The following IDI1 variants were observed in gnomAD, a reference collection of about 807,000 sequenced individuals.
IDI1 encodes the protein isopentenyl-diphosphate delta isomerase 1, also known as isopentenyl-diphosphate Delta-isomerase 1.
IDI1 carries 23 observed loss-of-function variants against 32.9 expected under a neutral mutation model. The ratio of observed to expected loss-of-function variants is 0.70; its 90% CI spans 0.50 to 0.99. The LOEUF (loss-of-function observed/expected upper bound fraction) is 0.99, where lower values mean the gene tolerates loss of function less well. IDI1 is among the 50% of genes least tolerant of loss of function. The probability of loss-of-function intolerance (pLI) is 0.00; values close to 1 mark genes in which losing one functional copy is unlikely to be tolerated. For missense variants in IDI1, 326 were observed against 351.9 expected (o/e 0.93, Z 0.59); for synonymous variants, 133 against 128.2 (o/e 1.04, Z -0.25).
At chr10:1,043,154 C>A (rs530919526) in intron 3 of IDI1, 147 bp downstream of exon 3, 2 of 607,570 alleles carry the variant, frequency 3.3e-6, no homozygotes, top group South Asian at 4.1e-5. Flanking sequence ...TATTAGGTTG[C>A]ACTCATTGTG....
At chr10:1,044,198 AG>A (rs772578744) in intron 1 of IDI1, 27 bp from the exon 2 acceptor site, 29 of 1,557,756 alleles carry the variant, frequency 1.9e-5, no homozygotes, top group Non-Finnish European at 2.5e-5. Context: ...AGAGAAAGAA[AG>A]GCCATCATAT....
upstream of IDI1, among the ~76,000 whole-genome samples, chr10:1,051,217 T>G (rs1206801196): frequency 6.6e-6 from 1 of 152,226 alleles, no homozygotes; most frequent in Non-Finnish European, 1.5e-5. Context: ...AATCACATTG[T>G]TAATATCACT....
At chr10:1,052,576 A>G (rs1331519584), upstream of IDI1, among the ~76,000 whole-genome samples, 1 of 152,236 alleles carries the variant, frequency 6.6e-6, no homozygotes, top group Non-Finnish European at 1.5e-5. Context: ...ATCAGCAGTA[A>G]TATTTTGAAA....
Position 1,041,513 on chromosome 10 carries a change from T to TA in IDI1, c.538-10_538-9insT. ...ATTTCTTCTGGAGGAACCTAAGACA[T>TA]TAAAAAAAAAAAAGTAATTAAAACA... On this transcript the variant is annotated splice_polypyrimidine_tract_variant and intron_variant, in intron 4 of 4. Transcript: ENST00000381344. 7.0e-7 allele frequency: 1 copy of TA among 1,428,466 alleles called. No homozygotes were observed. Among genetic ancestry groups the TA allele is most frequent in the Non-Finnish European group, 9.4e-7 (1 of 1,068,598 alleles). 88.5% of individuals were successfully genotyped at this position (1,428,466 alleles called of 1,614,324 possible).
chr10:1,042,535 A>G, intron 4 of IDI1, 97 bp downstream of exon 4: 1 of 1,188,450 alleles, frequency 8.4e-7, no homozygotes. Flanking sequence ...GAGGTTACCA[A>G]GCAGAGAACT....
intron 1 of IDI1, chr10:1,048,388 C>T (rs1832866301): frequency 7.7e-7 from 1 of 1,304,636 alleles, no homozygotes; most frequent in African/African-American, 1.5e-5. Flanking sequence ...GTTGCTGTCA[C>T]CCTCTTGCAC....
chr10:1,044,059 C>A lies in IDI1; in HGVS notation c.253G>T (p.Asp85Tyr), dbSNP rs777622677. Residue 85 changes from aspartate (D) to tyrosine (Y), a missense_variant, in exon 2 of 5, where the codon GAC (aspartate) becomes TAC (tyrosine). Asp to Tyr is a radical substitution (Grantham distance 160). Coordinates refer to ENST00000381344, the MANE Select transcript of IDI1 (RefSeq NM_004508.4). ...TTGGTCTCAGCTCCAATTTTATTGT[C>A]ATTTTCATCAATAAGGATACACATC... ...AEMCILIDEN[D>Y]NKIGAETKKN... 3.1e-6 allele frequency: 5 copies of A among 1,613,298 alleles called. No homozygotes were observed. The highest frequency in any genetic ancestry group is 2.5e-6 in the Non-Finnish European group (3 of 1,179,586).
At position 1,040,539 on chromosome 10, in the gene IDI1, A is replaced by C. The variant is rs545964493; in HGVS notation, c.*648T>G. 6.6e-6 allele frequency: 1 copy of C among 152,424 alleles called. No homozygotes were observed. The highest frequency in any genetic ancestry group is 1.5e-5 in the Non-Finnish European group (1 of 68,078). The allele number at this position is 152,424 out of a possible 1,614,324, so 9.4% of individuals were successfully genotyped here. A position where few individuals can be genotyped will look rare whatever the true frequency, so the allele number is the denominator to read the frequency against. ...TAACTGGTAAATACTATTTACAAGA[A>C]GATTCAACCTAATCAATATCACTTA... On this transcript the variant is annotated 3_prime_UTR_variant, in exon 5 of 5. Coordinates refer to ENST00000381344, the MANE Select transcript of IDI1 (RefSeq NM_004508.4).
At chr10:1,039,174 A>G (rs1305566767), downstream of IDI1, 1 of 138,394 alleles carries the variant, frequency 7.2e-6, no homozygotes, top group African/African-American at 2.7e-5. Flanking sequence ...ACAGGGACGC[A>G]CTGCGGGTAC....
the IDI1 span, among the ~76,000 whole-genome samples, chr10:1,055,715 CTTT>C: frequency 1.5e-5 from 2 of 132,058 alleles, no homozygotes; most frequent in African/African-American, 2.6e-5. Context: ...AACTTCACTT[CTTT>C]TTTTTTTTTG....
chr10:1,041,577 T>C (rs1218470742), intron 4 of IDI1, 73 bp from the exon 5 acceptor site: 2 of 770,726 alleles, frequency 2.6e-6, no homozygotes, highest in Non-Finnish European at 4.1e-6. Flanking sequence ...ATTAGCTCAC[T>C]GTATTACAGC....
At chr10:1,056,458 GC>G in the IDI1 span, 1 of 152,154 alleles carries the variant, frequency 6.6e-6, no homozygotes, top group Admixed American at 6.5e-5. Flanking sequence ...GGCCCTGAGC[GC>G]AGGCGGCCCC....
upstream of IDI1, among the ~76,000 whole-genome samples, chr10:1,050,326 TAAG>T (rs1484284364): frequency 6.6e-6 from 1 of 152,226 alleles, no homozygotes; most frequent in African/African-American, 2.4e-5. Context: ...TTCACACAGA[TAAG>T]AAAATCTGGC....
At chr10:1,041,964 A>AGTCC (rs1832609636) in intron 4 of IDI1, among the ~76,000 whole-genome samples, 1 of 151,860 alleles carries the variant, frequency 6.6e-6, no homozygotes, top group Non-Finnish European at 1.5e-5. Context: ...CCGCCCCACC[A>AGTCC]TGCCCAGCTA....
Position 1,044,026 on chromosome 10 carries a change from A to C in IDI1, c.286T>G (p.Cys96Gly). 1 of 1,612,656 alleles carries C rather than the reference A, an allele frequency of 6.2e-7. No homozygotes were observed. Among genetic ancestry groups the C allele is most frequent in the Non-Finnish European group, 8.5e-7 (1 of 1,179,676 alleles). Residue 96 changes from cysteine to glycine, a missense_variant, in exon 2 of 5, where the codon TGT becomes GGT. Around this residue, in one of 2 missense-constraint regions of IDI1, gnomAD observed 205 missense variants for 273.5 expected, o/e 0.75. Transcript: ENST00000381344. ...TTCTCAATGTTCTCGTTCAGGTGACAATTCTTCTTGGTCTCAGCTCCAATT... is the reference window on the plus strand; with the variant it reads ...TTCTCAATGTTCTCGTTCAGGTGACCATTCTTCTTGGTCTCAGCTCCAATT... Reference protein sequence around the residue: ...NKIGAETKKNCHLNENIEKGL... With the variant: ...NKIGAETKKNGHLNENIEKGL...
At chr10:1,048,147 C>T in intron 1 of IDI1, 1 of 983,022 alleles carries the variant, frequency 1.0e-6, no homozygotes, top group South Asian at 1.4e-5. Flanking sequence ...AGGCGTGCAC[C>T]ACCGCCCAGC....
At chr10:1,055,773 C>G in the IDI1 span, among the ~76,000 whole-genome samples, 1 of 151,470 alleles carries the variant, frequency 6.6e-6, no homozygotes, top group Non-Finnish European at 1.5e-5. Flanking sequence ...GTTTCTTGTG[C>G]AACAAACAAG....
intron 1 of IDI1, among the ~76,000 whole-genome samples, chr10:1,044,819 G>C (rs943505726): frequency 6.6e-6 from 1 of 152,160 alleles, no homozygotes; most frequent in Non-Finnish European, 1.5e-5. Context: ...AGATAAACAG[G>C]AGAAGACTTA....
In IDI1 at chr10:1,041,470, AT is replaced by A; in HGVS notation, c.571del (p.Ile191PhefsTer22). Reference sequence around the variant, plus strand: ...ACCATCAGACTGAGCTTTGTAGTGAATTCGTGTTAAATAATTAATTTCTTCT... The same window carrying A: ...ACCATCAGACTGAGCTTTGTAGTGAATCGTGTTAAATAATTAATTTCTTCT... Reference protein sequence around the residue: ...PPEEINYLTRIHYKAQSDGIW... With the variant: ...PPEEINYLTRXHYKAQSDGIW... On this transcript the variant is annotated frameshift_variant, in exon 5 of 5. Coordinates refer to ENST00000381344, the MANE Select transcript of IDI1 (RefSeq NM_004508.4). LOFTEE classifies it high-confidence loss of function. 6.3e-7 allele frequency: 1 copy of A among 1,590,080 alleles called. No homozygotes were observed. Among genetic ancestry groups the A allele is most frequent in the Non-Finnish European group, 8.6e-7 (1 of 1,165,250 alleles).
Sources: allele counts gnomAD v4.1 joint callset (sites outside exome capture counted in the v4.1 genomes callset), GRCh38; gene constraint gnomAD v4.1.1; regional missense constraint gnomAD v4.1.1; transcripts MANE v1.5; gene names NCBI Gene and HGNC (gene_info 2026-07-23, HGNC 2026-07-21).